The following TKFC variants were observed in gnomAD, a reference collection of about 807,000 sequenced individuals.
TKFC encodes triokinase/FMN cyclase.
A neutral mutation model predicts 61.0 loss-of-function variants in TKFC; 46 were observed. That is an observed-to-expected ratio of 0.75 (90% CI 0.60 to 0.96). The LOEUF (loss-of-function observed/expected upper bound fraction) is 0.96. TKFC is among the 50% of genes least tolerant of loss of function. The pLI is 0.00. For synonymous variants in TKFC, 314 were observed against 330.1 expected, an observed-to-expected ratio of 0.95 and a Z score of 0.53; for missense variants, 715 against 777.5, an observed-to-expected ratio of 0.92 and a Z score of 0.96.
chr11:61,352,702 A>G (rs1054625637), downstream of TKFC: 3 of 852,412 alleles, frequency 3.5e-6, no homozygotes, highest in Non-Finnish European at 4.8e-6. Flanking sequence ...AACAATACCA[A>G]TCAATACCAA....
chr11:61,352,766 C>T (rs1199595937), downstream of TKFC: 4 of 1,391,822 alleles, frequency 2.9e-6, no homozygotes, highest in Non-Finnish European at 3.8e-6. Flanking sequence ...CTGTTTCTGA[C>T]ACACAGCAGG....
At chr11:61,352,575 T>G (rs145346639), downstream of TKFC, 1,305 of 198,900 alleles carry the variant, frequency 6.6e-3, 32 homozygotes, top group African/African-American at 0.03. Context: ...GCAGGAGAAT[T>G]GCTTGAACCC....
intron 3 of TKFC, 104 bp from the exon 4 acceptor site, chr11:61,338,962 C>T: frequency 2.1e-6 from 2 of 947,716 alleles, no homozygotes; most frequent in South Asian, 1.7e-5. Flanking sequence ...GCACCAAGCA[C>T]ACAGTAGGGC....
intron 7 of TKFC, 78 bp from the exon 8 acceptor site, chr11:61,342,383 C>T: frequency 6.3e-7 from 1 of 1,587,646 alleles, no homozygotes; most frequent in Non-Finnish European, 8.6e-7. Flanking sequence ...GAGTCCAGCA[C>T]TGTGTGAGTC....
rs1857106752 is a variant in TKFC, at chr11:61,346,025, A to G, written c.1575+79A>G. ...TCCTGTCTCCATGTGACCCTGAGCA[A>G]GTTAATAACCTTCCTGGACCGCAGT... is the stretch of plus-strand genomic sequence containing the variant. On this transcript the variant is annotated intron_variant, in intron 17 of 17. Transcript: ENST00000394900. This position sits in a 1 kb window ranked among gnomAD's most constrained non-coding sequence, Gnocchi z 4.1. 1 of 1,461,612 alleles carries G rather than the reference A, an allele frequency of 6.8e-7. No individual in the cohort carries two copies. Among genetic ancestry groups the G allele is most frequent in the African/African-American group, 1.4e-5 (1 of 71,624 alleles). The allele number at this position is 1,461,612 out of a possible 1,614,324, so 90.5% of individuals were successfully genotyped here.
chr11:61,347,255 A>G lies in TKFC; in HGVS notation c.*752A>G. On this transcript the variant is annotated 3_prime_UTR_variant, in exon 18 of 18. Coordinates refer to ENST00000394900, the MANE Select transcript of TKFC (RefSeq NM_015533.4). Reference sequence around the variant, plus strand: ...GGTTCAGTTGTAGATCAAAAAATGCAGCCAGGCCGGGCACGGTGGCTCACA... The same window carrying G: ...GGTTCAGTTGTAGATCAAAAAATGCGGCCAGGCCGGGCACGGTGGCTCACA... 1 of 985,508 alleles carries G rather than the reference A, an allele frequency of 1.0e-6. No homozygotes were observed. The highest frequency in any genetic ancestry group is 4.7e-5 in the South Asian group (1 of 21,284). The allele number at this position is 985,508 out of a possible 1,614,324, so 61.0% of individuals were successfully genotyped here.
Position 61,342,832 on chromosome 11 carries a change from G to C in TKFC, c.853G>C (p.Val285Leu). ...LELGIIADATVRSLEGRGVKI... is the reference protein window; with the variant it reads ...LELGIIADATLRSLEGRGVKI... ...ACTGGGCATCATAGCCGACGCTACCGTCCGCTCCCTGGGTGAGCCATGCAC... is the reference window on the plus strand; with the variant it reads ...ACTGGGCATCATAGCCGACGCTACCCTCCGCTCCCTGGGTGAGCCATGCAC... The change falls in exon 10 of 18, where the codon GTC becomes CTC. Residue 285 changes from valine to leucine, a missense_variant. By Grantham distance (32) the Val-to-Leu change is conservative (BLOSUM62 1). Transcript: ENST00000394900. 1 of 1,613,984 alleles carries C rather than the reference G, an allele frequency of 6.2e-7. No homozygotes were observed. Among genetic ancestry groups the C allele is most frequent in the Admixed American group, 1.7e-5 (1 of 60,018 alleles).
Position 61,346,436 on chromosome 11 carries a change from A to T in TKFC, c.1661A>T (p.Gln554Leu). 6.2e-7 allele frequency: 1 copy of T among 1,611,704 alleles called. No homozygotes were observed. The highest frequency in any genetic ancestry group is 8.5e-7 in the Non-Finnish European group (1 of 1,179,770). ...ASYISSARLE[Q>L]PDPGAVAAAA... ...TATATCAGCTCAGCACGGCTGGAGC[A>T]GCCAGACCCCGGGGCGGTGGCAGCT... is the stretch of plus-strand genomic sequence containing the variant. The change falls in exon 18 of 18, where the codon CAG becomes CTG. Residue 554 changes from glutamine (Q) to leucine (L), a missense_variant. Gln to Leu is a moderately radical substitution (Grantham distance 113). Transcript: ENST00000394900. The surrounding 1 kb of genome is among the most constrained non-coding windows in gnomAD (Gnocchi z 4.1).
rs1857081096 is a variant in TKFC, at chr11:61,345,537, ATGGATGCCGGCC to A, written c.1428_1439del (p.Asp476_Leu479del). The stretch of plus-strand genomic sequence containing the variant: ...CAGCCTCCCAGCCTGGTCTGCTGCC[ATGGATGCCGGCC>A]TGGAAGCCATGCAGAAGTGAGCCAG... On this transcript the variant is annotated inframe_deletion, in exon 15 of 18. Transcript: ENST00000394900. 6.2e-7 allele frequency: 1 copy of A among 1,613,180 alleles called. No individual in the cohort carries two copies. Among genetic ancestry groups the A allele is most frequent in the Non-Finnish European group, 8.5e-7 (1 of 1,180,020 alleles).
chr11:61,350,649 A>C (rs1857356931), downstream of TKFC: 1 of 611,412 alleles, frequency 1.6e-6, no homozygotes, highest in Non-Finnish European at 2.8e-6. Context: ...ATCCCACTAG[A>C]CTAGCCCCCA....
intron 2 of TKFC, among the ~76,000 whole-genome samples, chr11:61,337,672 T>C (rs1856667982): frequency 6.6e-6 from 1 of 152,198 alleles, no homozygotes; most frequent in Non-Finnish European, 1.5e-5. Flanking sequence ...CACTCCCCCA[T>C]TTTCTTTGTA....
In TKFC at chr11:61,347,077, A is replaced by AC; in HGVS notation, c.*579dup. On this transcript the variant is annotated 3_prime_UTR_variant, in exon 18 of 18. Coordinates refer to ENST00000394900, the MANE Select transcript of TKFC (RefSeq NM_015533.4). The stretch of plus-strand genomic sequence containing the variant: ...CCTCAGCTGGGCTGCTTCCACTGAG[A>AC]CCCCCGACCCATCCCCTTTCCAGTA... 2.0e-6 allele frequency: 2 copies of AC among 985,498 alleles called. No homozygotes were observed. Among genetic ancestry groups the AC allele is most frequent in the South Asian group, 4.7e-5 (1 of 21,262 alleles). 61.0% of individuals were successfully genotyped at this position (985,498 alleles called of 1,614,324 possible).
At chr11:61,333,374 T>G in intron 1 of TKFC, 45 bp downstream of exon 1, 2 of 161,222 alleles carry the variant, frequency 1.2e-5, no homozygotes, top group East Asian at 1.8e-4. Context: ...CCCCACCCCG[T>G]TCCGCGCCCT....
chr11:61,343,691 A>G, intron 11 of TKFC, 165 bp from the exon 12 acceptor site: 3 of 1,079,944 alleles, frequency 2.8e-6, no homozygotes, highest in Non-Finnish European at 4.0e-6. Flanking sequence ...CTCTCTCCAT[A>G]CCCCTGTATA....
At chr11:61,351,116 G>A, downstream of TKFC, 1 of 1,613,664 alleles carries the variant, frequency 6.2e-7, no homozygotes, top group Middle Eastern at 1.7e-4. Flanking sequence ...GCCTCACTGG[G>A]CAGGCTGTGG....
At position 61,342,786 on chromosome 11, in the gene TKFC, G is replaced by A. The variant is rs767478993; in HGVS notation, c.807G>A (p.Leu269=). 1.2e-6 allele frequency: 2 copies of A among 1,614,028 alleles called. No individual in the cohort carries two copies. Among genetic ancestry groups the A allele is most frequent in the East Asian group, 2.2e-5 (1 of 44,872 alleles). The change falls in exon 10 of 18, where the codon CTG becomes CTA. Residue 269 remains leucine, a synonymous_variant. Coordinates refer to ENST00000394900, the MANE Select transcript of TKFC (RefSeq NM_015533.4). ...CAGTTGTGATGATGGTCAACAACCT[G>A]GGTGGCCTGTCATTCCTGGAACTGG... The part of the protein sequence containing the change: ...GSSVVMMVNN[L]GGLSFLELGI...
At position 61,345,699 on chromosome 11, in the gene TKFC, CTT is replaced by C; in HGVS notation, c.1452-11_1452-10del. The C allele has an allele frequency of 6.2e-7, 1 of 1,614,250 alleles. No individual in the cohort carries two copies. The highest frequency in any genetic ancestry group is 8.5e-7 in the Non-Finnish European group (1 of 1,180,040). On this transcript the variant is annotated splice_polypyrimidine_tract_variant and intron_variant, in intron 15 of 17. Transcript: ENST00000394900. The stretch of plus-strand genomic sequence containing the variant: ...CCCTATAGTGAGCCTCTTTCACTCT[CTT>C]TCCCTGCCAGGTATGGCAAGGCTGC...
At chr11:61,350,999 C>G (rs763723433), downstream of TKFC, 16 of 1,613,194 alleles carry the variant, frequency 9.9e-6, no homozygotes, top group Non-Finnish European at 1.4e-5. Flanking sequence ...ACCTGTCTGT[C>G]GGTCAGGATC....
intron 6 of TKFC, 79 bp from the exon 7 acceptor site, chr11:61,341,743 TC>T (rs1856863439): frequency 7.1e-7 from 1 of 1,413,260 alleles, no homozygotes; most frequent in African/African-American, 1.4e-5. Flanking sequence ...GGGCAGGGCC[TC>T]TGAGATGCTG....
Sources: allele counts gnomAD v4.1 joint callset (sites outside exome capture counted in the v4.1 genomes callset), GRCh38; gene constraint gnomAD v4.1.1; non-coding constraint Gnocchi (gnomAD v3.1); transcripts MANE v1.5; gene names NCBI Gene and HGNC (gene_info 2026-07-23, HGNC 2026-07-21).